BMP2K: variants seen among roughly 807,000 people sequenced by gnomAD.
BMP2K encodes the protein BMP2 inducible kinase.
BMP2K carries 74 observed loss-of-function variants against 116.0 expected under a neutral mutation model. The ratio of observed to expected loss-of-function variants is 0.64; its 90% CI spans 0.53 to 0.77. The LOEUF (loss-of-function observed/expected upper bound fraction) is 0.77, where lower values mean the gene tolerates loss of function less well. Among genes scored for constraint, BMP2K ranks in the 30% least tolerant of loss-of-function variants. The pLI, the probability that BMP2K is intolerant of heterozygous loss-of-function variation, is 0.00. For missense variants in BMP2K, 1,365 were observed against 1,403.6 expected (o/e 0.97, Z 0.44); for synonymous variants, 486 against 502.5 (o/e 0.97, Z 0.44).
intron 1 of BMP2K, among the ~76,000 whole-genome samples, chr4:78,796,372 T>A (rs1428937081): frequency 8.6e-6 from 1 of 116,342 alleles, no homozygotes; most frequent in South Asian, 2.8e-4. Context: ...AACATCACAC[T>A]CTGGGGACTG....
At chr4:78,842,314 A>G (rs1730797487) in intron 3 of BMP2K, 71 bp from the exon 4 acceptor site, 3 of 1,369,746 alleles carry the variant, frequency 2.2e-6, no homozygotes, top group African/African-American at 2.9e-5. Context: ...CCATAAAGAC[A>G]TTTCTTAATT....
At chr4:78,899,127 C>T (rs1733865617) in intron 15 of BMP2K, 1 of 152,232 alleles carries the variant, frequency 6.6e-6, no homozygotes. Flanking sequence ...GCACTCCAGC[C>T]TGGGCAACAT....
intron 8 of BMP2K, chr4:78,860,191 G>C: frequency 2.4e-6 from 1 of 415,628 alleles, no homozygotes; most frequent in Admixed American, 3.0e-5. Context: ...AGTCAGAAAG[G>C]TGGGAAGCGG....
At chr4:78,815,040 C>T (rs1483965097) in intron 1 of BMP2K, among the ~76,000 whole-genome samples, 2 of 152,090 alleles carry the variant, frequency 1.3e-5, no homozygotes, top group Non-Finnish European at 2.9e-5. Flanking sequence ...TAGATGAGGA[C>T]TCCAATTTTC....
intron 1 of BMP2K, 131 bp downstream of exon 1, chr4:78,776,852 G>C: frequency 1.1e-6 from 1 of 940,686 alleles, no homozygotes; most frequent in Non-Finnish European, 1.4e-6. Context: ...GCCAGCGGGG[G>C]CTCCTAAAGA....
intron 1 of BMP2K, among the ~76,000 whole-genome samples, chr4:78,807,462 TA>T (rs1345163883): frequency 2.6e-5 from 4 of 152,272 alleles, no homozygotes; most frequent in East Asian, 1.9e-4. Context: ...CCTTCTCTTC[TA>T]TTTTTTTGGA....
At chr4:78,827,391 C>CT (rs565927952) in intron 2 of BMP2K, among the ~76,000 whole-genome samples, 78 of 152,308 alleles carry the variant, frequency 5.1e-4, no homozygotes, top group African/African-American at 1.8e-3. Context: ...TGTTCAGGGT[C>CT]TTCCTATCAG....
Position 78,912,057 on chromosome 4 carries a change from T to A in BMP2K, c.*24T>A, listed in dbSNP as rs185225403. ...AGATACTTCTGATGGATTCTCGGCA[T>A]TAACTCCTGTTTCAAAAAAGTGTGA... On this transcript the variant is annotated 3_prime_UTR_variant, in exon 16 of 16. Coordinates refer to ENST00000502613, the MANE Select transcript of BMP2K (RefSeq NM_198892.2). 6 of 1,551,228 alleles carry A rather than the reference T, an allele frequency of 3.9e-6. No homozygotes were observed. In the East Asian group the frequency reaches 1.4e-4, roughly 35 times the overall value.
At position 78,836,038 on chromosome 4, in the gene BMP2K, T is replaced by C. The variant is rs1159276474; in HGVS notation, c.403+2351T>C. ...GTTGTATTTTCTTATCCTTTTTTTT[T>C]CCTGGAATTAGTAATTACCTCGGTT... is the stretch of plus-strand genomic sequence containing the variant. On this transcript the variant is annotated intron_variant, in intron 3 of 15. Coordinates refer to ENST00000502613, the MANE Select transcript of BMP2K (RefSeq NM_198892.2). 3.9e-5 allele frequency among the ~76,000 whole-genome samples: 6 copies of C among 152,290 alleles called. 1 individual carries two copies. In the South Asian group the frequency reaches 6.2e-4, roughly 16 times the overall value.
rs1234192344 is a variant in BMP2K, at chr4:78,877,845, G to A, written c.1794-889G>A. On this transcript the variant is annotated intron_variant, in intron 13 of 15. Transcript: ENST00000502613. ...TGTGCTATGGTGTTACAATGGCTAC[G>A]ATATCACTAGGTGATAGGAATTTTT... is the stretch of plus-strand genomic sequence containing the variant. Among the ~76,000 whole-genome samples the A allele has an allele frequency of 3.9e-5, 6 of 152,252 alleles. No individual in the cohort carries two copies. The East Asian group carries it at 7.7e-4, about 20-fold the overall frequency.
At position 78,847,190 on chromosome 4, in the gene BMP2K, A is replaced by G. The variant is rs1400400983; in HGVS notation, c.671A>G (p.Tyr224Cys). The G allele has an allele frequency of 7.8e-6, 12 of 1,538,134 alleles. No individual in the cohort carries two copies. The highest frequency in any genetic ancestry group is 1.1e-5 in the Non-Finnish European group (12 of 1,139,060). ...VNVVEEEIKK[Y>C]TTLSYRAPEM... is the part of the protein sequence containing the mutation. ...CCATTTCACTCATTTACTGCCAGGTATACAACTCTGTCATACAGAGCCCCT... is the reference window on the plus strand; with the variant it reads ...CCATTTCACTCATTTACTGCCAGGTGTACAACTCTGTCATACAGAGCCCCT... Residue 224 changes from tyrosine (Y) to cysteine (C), a missense_variant and splice_region_variant, in exon 6 of 16, where the codon TAT (tyrosine) becomes TGT (cysteine). Physicochemically the swap from Tyr to Cys is radical, Grantham distance 194. This residue lies in a region of BMP2K where 762 missense variants were observed against 756.7 expected (regional missense o/e 1.01). Coordinates refer to ENST00000502613, the MANE Select transcript of BMP2K (RefSeq NM_198892.2).
intron 10 of BMP2K, among the ~76,000 whole-genome samples, chr4:78,869,611 A>G (rs1732231341): frequency 6.6e-6 from 1 of 152,216 alleles, no homozygotes; most frequent in Admixed American, 6.5e-5. Context: ...ATATGTATCA[A>G]AACATCAATA....
At chr4:78,854,387 C>T (rs1038837108) in intron 7 of BMP2K, among the ~76,000 whole-genome samples, 10 of 152,110 alleles carry the variant, frequency 6.6e-5, no homozygotes, top group African/African-American at 2.4e-4. Context: ...GATTCTCCTG[C>T]CACAGCCTCC....
In BMP2K at chr4:78,911,612, A is replaced by G; in HGVS notation, c.3065A>G (p.Lys1022Arg). The G allele has an allele frequency of 6.2e-7, 1 of 1,614,016 alleles. No individual in the cohort carries two copies. The highest frequency in any genetic ancestry group is 8.5e-7 in the Non-Finnish European group (1 of 1,179,890). ...YRTPERARRH[K>R]KVGRRDSQSS... ...ACTCCAGAGAGGGCTCGCAGGCACAAAAAAGTGGGCCGCCGAGACTCTCAA... is the reference window on the plus strand; with the variant it reads ...ACTCCAGAGAGGGCTCGCAGGCACAGAAAAGTGGGCCGCCGAGACTCTCAA... The change falls in exon 16 of 16, where the codon AAA (lysine) becomes AGA (arginine). Residue 1022 changes from lysine to arginine, a missense_variant. By Grantham distance (26) the Lys-to-Arg change is conservative. Around this residue, in one of 3 missense-constraint regions of BMP2K, gnomAD observed 596 missense variants for 623.2 expected, o/e 0.96. Transcript: ENST00000502613.
intron 13 of BMP2K, among the ~76,000 whole-genome samples, chr4:78,874,133 A>G (rs1330085402): frequency 6.6e-6 from 1 of 151,858 alleles, no homozygotes; most frequent in Non-Finnish European, 1.5e-5. Context: ...AGCTGAGATC[A>G]TGCCACTGCA....
At chr4:78,871,698 A>T in intron 11 of BMP2K, 152 bp from the exon 12 acceptor site, 1 of 475,408 alleles carries the variant, frequency 2.1e-6, no homozygotes, top group Non-Finnish European at 3.7e-6. Context: ...AAGCATATTT[A>T]TTAATAAATT....
chr4:78,841,341 C>G (rs999914846), intron 3 of BMP2K, among the ~76,000 whole-genome samples: 1 of 151,930 alleles, frequency 6.6e-6, no homozygotes. Flanking sequence ...GATTTCTGTG[C>G]GAATCACATA....
intron 2 of BMP2K, among the ~76,000 whole-genome samples, chr4:78,829,850 C>CT (rs560973382): frequency 7.1e-6 from 1 of 141,032 alleles, no homozygotes; most frequent in South Asian, 2.2e-4. Flanking sequence ...CTCTTCTCTT[C>CT]TTTTTTTCTT....
At chr4:78,878,700 C>A (rs1401143304) in intron 13 of BMP2K, 34 bp from the exon 14 acceptor site, 1 of 1,496,146 alleles carries the variant, frequency 6.7e-7, no homozygotes, top group Non-Finnish European at 9.0e-7. Context: ...TTTTTCTTTC[C>A]ATCTTCTTTT....
Sources: gnomAD v4.1 joint callset for allele counts (sites outside exome capture counted in the v4.1 genomes callset) on GRCh38, gnomAD v4.1.1 for gene constraint, gnomAD v4.1.1 regional missense constraint, MANE v1.5 for transcripts, NCBI Gene and HGNC (gene_info 2026-07-23, HGNC 2026-07-21) for gene names.